The following BCL9 variants were observed in gnomAD, a reference collection of about 807,000 sequenced individuals.
BCL9 encodes B-cell CLL/lymphoma 9 protein.
A neutral mutation model predicts 88.5 loss-of-function variants in BCL9; 25 were observed. That is an observed-to-expected ratio of 0.28 (90% confidence interval 0.21 to 0.39). The LOEUF (loss-of-function observed/expected upper bound fraction) is 0.39. Ranked by LOEUF, BCL9 falls within the 10% of genes least tolerant of loss-of-function variation. The pLI is 1.00. For synonymous variants in BCL9, 711 were observed against 673.3 expected, an observed-to-expected ratio of 1.06 and a Z score of -0.87; for missense variants, 1,817 against 1,877.8, an observed-to-expected ratio of 0.97 and a Z score of 0.60.
At chr1:147,561,445 G>C (rs941039206) in intron 1 of BCL9, among the ~76,000 whole-genome samples, 1 of 152,046 alleles carries the variant, frequency 6.6e-6, no homozygotes, top group Non-Finnish European at 1.5e-5. Context: ...TGTTTCCTAG[G>C]GGCCCTTCAA....
chr1:147,624,450 C>T lies in BCL9; in HGVS notation c.3772C>T (p.Pro1258Ser), dbSNP rs782340567. The T allele has an allele frequency of 7.4e-6, 12 of 1,614,230 alleles. No homozygotes were observed. In the South Asian group the frequency reaches 1.3e-4, roughly 18 times the overall value. Residue 1258 changes from proline (P) to serine (S), a missense_variant, in exon 10 of 10, where the codon CCA becomes TCA. By Grantham distance (74) the Pro-to-Ser change is moderately conservative (BLOSUM62 -1). Coordinates refer to ENST00000234739, the MANE Select transcript of BCL9 (RefSeq NM_004326.4). This position sits in a 1 kb window ranked among gnomAD's most constrained non-coding sequence, Gnocchi z 4.4. ...TLQYFPRGEV[P>S]GRKQPQGPGP... ...GCAATATTTCCCTCGAGGGGAAGTT[C>T]CAGGCCGTAAACAGCCCCAGGGTCC...
At chr1:147,621,170 G>C (rs1658619989) in intron 8 of BCL9, 113 bp downstream of exon 8, 1 of 1,206,674 alleles carries the variant, frequency 8.3e-7, no homozygotes, top group African/African-American at 1.5e-5. Context: ...GGCAGTCTTT[G>C]TTGAAATGGC....
rs1000230405 is a variant in BCL9, at chr1:147,625,937, C to T, written c.*978C>T. On this transcript the variant is annotated 3_prime_UTR_variant, in exon 10 of 10. Transcript: ENST00000234739. The stretch of plus-strand genomic sequence containing the variant: ...GGGATGCTCTCTGGTCTTTTTTCCC[C>T]CTAAGTCTTTCTCTTTCCCATCATA... 12 of 232,766 alleles carry T rather than the reference C, an allele frequency of 5.2e-5. No individual in the cohort carries two copies. Among genetic ancestry groups the T allele is most frequent in the African/African-American group, 2.4e-4 (11 of 45,272 alleles). 14.4% of individuals were successfully genotyped at this position (232,766 alleles called of 1,614,324 possible).
chr1:147,613,099 A>G lies in BCL9; in HGVS notation c.270A>G (p.Gly90=). Residue 90 remains glycine, a synonymous_variant, in exon 5 of 10, where the codon GGA becomes GGG. Coordinates refer to ENST00000234739, the MANE Select transcript of BCL9 (RefSeq NM_004326.4). ...GGSMGLKNGA[G]NGAKGKGKRE... ...GCATGGGGCTGAAGAATGGGGCTGG[A>G]AATGGTGCCAAGGGCAAGGGGAAAA... 1 of 1,614,160 alleles carries G rather than the reference A, an allele frequency of 6.2e-7. No individual in the cohort carries two copies. The highest frequency in any genetic ancestry group is 8.5e-7 in the Non-Finnish European group (1 of 1,180,024).
intron 8 of BCL9, 30 bp downstream of exon 8, chr1:147,621,087 C>A: frequency 6.3e-7 from 1 of 1,581,980 alleles, no homozygotes; most frequent in Non-Finnish European, 8.6e-7. Context: ...CACAGTTGCA[C>A]CTAGTAGCTG....
At position 147,570,630 on chromosome 1, in the gene BCL9, C is replaced by CTTTTCTT. The variant is rs1357272075; in HGVS notation, c.-478+28960_-478+28961insCTTTTTT. Among the ~76,000 whole-genome samples the CTTTTCTT allele has an allele frequency of 6.9e-3, 105 of 15,152 alleles. 22 individuals are homozygous for CTTTTCTT. Among genetic ancestry groups the CTTTTCTT allele is most frequent in the Middle Eastern group, 0.059 (2 of 34 alleles). 9.9% of individuals were successfully genotyped at this position (15,152 alleles called of 152,430 possible). A position where few individuals can be genotyped will look rare whatever the true frequency, so the allele number is the denominator to read the frequency against. On this transcript the variant is annotated intron_variant, in intron 1 of 9. Transcript: ENST00000234739. ...TAACACAAAATTGTTGACTGATTTT[C>CTTTTCTT]TTTTTTTTCTTTTTTTTTTTTGTAG... is the stretch of plus-strand genomic sequence containing the variant.
At chr1:147,609,351 G>T (rs1553202359) in intron 3 of BCL9, among the ~76,000 whole-genome samples, 1 of 152,150 alleles carries the variant, frequency 6.6e-6, no homozygotes, top group East Asian at 1.9e-4. Context: ...TTGGGCTAGG[G>T]ATTGAAAAAC....
chr1:147,548,605 T>A (rs1225959047), intron 1 of BCL9, among the ~76,000 whole-genome samples: 1 of 152,214 alleles, frequency 6.6e-6, no homozygotes, highest in Non-Finnish European at 1.5e-5. Context: ...AGATTGGGAT[T>A]GTTTGTAGTT....
At chr1:147,618,749 T>G (rs1016275620) in intron 7 of BCL9, 67 bp from the exon 8 acceptor site, 1 of 1,395,932 alleles carries the variant, frequency 7.2e-7, no homozygotes, top group African/African-American at 1.5e-5. Flanking sequence ...TTATAACATA[T>G]CTTGCTCTTT....
rs972800179 is a variant in BCL9, at chr1:147,614,690, T to G, written c.560+74T>G. On this transcript the variant is annotated intron_variant, in intron 6 of 9. Transcript: ENST00000234739. Reference sequence around the variant, plus strand: ...CTAAATTCTTATTCCCATTGCAGATTGATCTTTTATTATCACCTAAAGTTA... The same window carrying G: ...CTAAATTCTTATTCCCATTGCAGATGGATCTTTTATTATCACCTAAAGTTA... 5 of 1,411,882 alleles carry G rather than the reference T, an allele frequency of 3.5e-6. No individual in the cohort carries two copies. The African/African-American group carries it at 5.8e-5, about 16-fold the overall frequency. 87.5% of individuals were successfully genotyped at this position (1,411,882 alleles called of 1,614,324 possible). A position where few individuals can be genotyped will look rare whatever the true frequency, so the allele number is the denominator to read the frequency against.
chr1:147,621,017 C>T lies in BCL9; in HGVS notation c.2862C>T (p.Leu954=). 2 of 1,614,076 alleles carry T rather than the reference C, an allele frequency of 1.2e-6. No homozygotes were observed. Among genetic ancestry groups the T allele is most frequent in the African/African-American group, 1.3e-5 (1 of 75,054 alleles). The part of the protein sequence containing the change: ...PGIPPNHKAP[L]TMASPAMLGN... ...TCCCTCCAAACCATAAAGCACCCCT[C>T]ACCATGGCCTCCCCAGCCATGCTGG... Residue 954 remains leucine (L), a synonymous_variant, in exon 8 of 10, where the codon CTC becomes CTT. Coordinates refer to ENST00000234739, the MANE Select transcript of BCL9 (RefSeq NM_004326.4).
At chr1:147,607,351 A>T (rs587611388) in intron 3 of BCL9, among the ~76,000 whole-genome samples, 14 of 152,272 alleles carry the variant, frequency 9.2e-5, no homozygotes, top group Middle Eastern at 3.4e-3. Flanking sequence ...AACAATGAAA[A>T]TTTTTTAAAG....
intron 1 of BCL9, among the ~76,000 whole-genome samples, chr1:147,589,683 T>G (rs1262991976): frequency 6.6e-6 from 1 of 152,256 alleles, no homozygotes; most frequent in Non-Finnish European, 1.5e-5. Context: ...TTCCTATTGC[T>G]GAATAATATT....
In BCL9 at chr1:147,625,422, AGAG is replaced by A; in HGVS notation, c.*467_*469del. On this transcript the variant is annotated 3_prime_UTR_variant, in exon 10 of 10. Transcript: ENST00000234739. ...AGCAGAGACTTTAGTCTTTGGGGCAAGAGGAGAACAGGAATGCTGGGCTGTTTA... is the reference window on the plus strand; with the variant it reads ...AGCAGAGACTTTAGTCTTTGGGGCAAGAGAACAGGAATGCTGGGCTGTTTA... 4.4e-6 allele frequency: 1 copy of A among 229,820 alleles called. No homozygotes were observed. The highest frequency in any genetic ancestry group is 8.6e-6 in the Non-Finnish European group (1 of 115,646). 14.2% of individuals were successfully genotyped at this position (229,820 alleles called of 1,614,324 possible).
At chr1:147,551,070 C>T (rs1401827988) in intron 1 of BCL9, among the ~76,000 whole-genome samples, 2 of 152,172 alleles carry the variant, frequency 1.3e-5, no homozygotes, top group Admixed American at 6.5e-5. Flanking sequence ...ATTATTTCTA[C>T]TTTATAAATG....
At chr1:147,568,456 A>G (rs1168591444) in intron 1 of BCL9, among the ~76,000 whole-genome samples, 1 of 140,168 alleles carries the variant, frequency 7.1e-6, no homozygotes, top group Non-Finnish European at 1.5e-5. Flanking sequence ...TCAAATACAA[A>G]GGTTGTTGAA....
At chr1:147,543,110 A>G (rs797031607) in intron 1 of BCL9, among the ~76,000 whole-genome samples, 24 of 152,286 alleles carry the variant, frequency 1.6e-4, no homozygotes, top group African/African-American at 5.5e-4. Flanking sequence ...AGTGCCTAAC[A>G]TTCATCTTAA....
chr1:147,590,047 G>A (rs1656784223), intron 1 of BCL9, among the ~76,000 whole-genome samples: 5 of 152,096 alleles, frequency 3.3e-5, no homozygotes, highest in Non-Finnish European at 7.4e-5. Context: ...ATGTGTAGTG[G>A]TAGCTCACTG....
chr1:147,593,407 T>TACGC (rs1381603334), intron 1 of BCL9, among the ~76,000 whole-genome samples: 3 of 152,224 alleles, frequency 2.0e-5, no homozygotes, highest in African/African-American at 7.2e-5. Context: ...GGCTGACTCC[T>TACGC]ACGCATTCTT....
Sources: gnomAD v4.1 joint callset for allele counts (sites outside exome capture counted in the v4.1 genomes callset) on GRCh38, gnomAD v4.1.1 for gene constraint, Gnocchi (gnomAD v3.1) non-coding constraint, MANE v1.5 for transcripts, NCBI Gene and HGNC (gene_info 2026-07-23, HGNC 2026-07-21) for gene names.